The following DLEC1 variants were observed in gnomAD, a reference collection of about 807,000 sequenced individuals.
DLEC1 encodes the protein DLEC1 cilia and flagella associated protein.
DLEC1 carries 146 observed loss-of-function variants against 198.1 expected under a neutral mutation model. That is an observed-to-expected ratio of 0.74 (90% CI 0.64 to 0.85). The LOEUF is 0.85. Ranked by LOEUF, DLEC1 falls within the 40% of genes least tolerant of loss-of-function variation. DLEC1 has a pLI of 0.00. For missense variants in DLEC1, 2,233 were observed against 2,220.0 expected, an observed-to-expected ratio of 1.01 and a Z score of -0.12; for synonymous variants, 897 against 866.8, an observed-to-expected ratio of 1.03 and a Z score of -0.61.
chr3:38,052,699 G>T (rs913602057), intron 2 of DLEC1, among the ~76,000 whole-genome samples: 1 of 152,122 alleles, frequency 6.6e-6, no homozygotes, highest in South Asian at 2.1e-4. Flanking sequence ...CTTGCATTGG[G>T]GTGGCCAAAG....
At chr3:38,108,952 C>T (rs1015501428) in intron 21 of DLEC1, among the ~76,000 whole-genome samples, 2 of 152,214 alleles carry the variant, frequency 1.3e-5, no homozygotes, top group Non-Finnish European at 2.9e-5. Flanking sequence ...GTCATAGGGC[C>T]GTTCCTAGCT....
rs1415766499 is a variant in DLEC1, at chr3:38,112,507, C to G, written c.3666+146C>G. 3.2e-6 allele frequency: 4 copies of G among 1,238,784 alleles called. No homozygotes were observed. In the African/African-American group the frequency reaches 6.0e-5, roughly 19 times the overall value. 76.7% of individuals were successfully genotyped at this position (1,238,784 alleles called of 1,614,324 possible). A position where few individuals can be genotyped will look rare whatever the true frequency, so the allele number is the denominator to read the frequency against. On this transcript the variant is annotated intron_variant, in intron 25 of 36. Transcript: ENST00000308059. The surrounding 1 kb of genome is among the most constrained non-coding windows in gnomAD (Gnocchi z 4.8). ...CGATGCCCACCGAGCTTGGGATGGG[C>G]ATTCGTGTCTGAGGCAGCCTCTGGG...
At chr3:38,103,094 C>T (rs917816346) in intron 19 of DLEC1, 1 of 152,248 alleles carries the variant, frequency 6.6e-6, no homozygotes, top group Non-Finnish European at 1.5e-5. Flanking sequence ...ACCCAAATAG[C>T]ATACATTGTA....
chr3:38,099,522 G>A (rs1559446751), intron 18 of DLEC1, among the ~76,000 whole-genome samples: 1 of 152,130 alleles, frequency 6.6e-6, no homozygotes, highest in East Asian at 1.9e-4. Flanking sequence ...TCTCAGATTA[G>A]GGGACGCAGA....
chr3:38,078,213 C>T lies in DLEC1; in HGVS notation c.1174-5945C>T, dbSNP rs542092960. On this transcript the variant is annotated intron_variant, in intron 6 of 36. Transcript: ENST00000308059. ...TGTGGGACTTAACAAAGAGTGAGTA[C>T]AGCTGAAGGAGCCGGGGAGCAGAAA... Among the ~76,000 whole-genome samples the T allele has an allele frequency of 1.2e-4, 19 of 152,228 alleles. No homozygotes were observed. In the South Asian group the frequency reaches 3.5e-3, roughly 28 times the overall value.
At chr3:38,075,540 A>G (rs1195173090) in intron 6 of DLEC1, among the ~76,000 whole-genome samples, 1 of 151,982 alleles carries the variant, frequency 6.6e-6, no homozygotes, top group Non-Finnish European at 1.5e-5. Context: ...AAGCCCAGAG[A>G]AAAGAGAGAG....
Position 38,121,735 on chromosome 3 carries a change from C to T in DLEC1, c.4974C>T (p.Tyr1658=), listed in dbSNP as rs1407828531. ...GCCAGCAGCGAGTCCGGGAGGTCTA[C>T]CTGATGAACCTGAGCGGGTGCCGAA... ...FVSQQRVREV[Y]LMNLSGCRSY... is the part of the protein sequence containing the mutation. The change falls in exon 35 of 37, where the codon TAC becomes TAT. Residue 1658 remains tyrosine (Y), a synonymous_variant. Coordinates refer to ENST00000308059, the MANE Select transcript of DLEC1 (RefSeq NM_007335.4). The T allele has an allele frequency of 3.1e-6, 5 of 1,614,054 alleles. No homozygotes were observed. Among genetic ancestry groups the T allele is most frequent in the Admixed American group, 3.3e-5 (2 of 60,016 alleles).
intron 6 of DLEC1, among the ~76,000 whole-genome samples, chr3:38,064,788 G>A (rs981027322): frequency 2.0e-5 from 3 of 149,708 alleles, no homozygotes; most frequent in African/African-American, 4.9e-5. Context: ...ATGGGCGGCC[G>A]GGCAGAGACG....
chr3:38,115,125 A>G lies in DLEC1; in HGVS notation c.3856+72A>G, dbSNP rs1184019407. 15 of 1,571,344 alleles carry G rather than the reference A, an allele frequency of 9.5e-6. No individual in the cohort carries two copies. The East Asian group carries it at 3.2e-4, about 33-fold the overall frequency. The stretch of plus-strand genomic sequence containing the variant: ...CTTGTGGTGAGCCAGGCTGGGAGGG[A>G]AGGTGGGAGGGAAGCCGATGGCCCA... On this transcript the variant is annotated intron_variant, in intron 27 of 36. Transcript: ENST00000308059.
Position 38,108,531 on chromosome 3 carries a change from T to G in DLEC1, c.3129+16T>G. ...TCATACCCAGGTGAGTAAGGCAATG[T>G]AGGGCCTGAGTGACCGGGAAGGCAC... On this transcript the variant is annotated intron_variant, in intron 21 of 36. Coordinates refer to ENST00000308059, the MANE Select transcript of DLEC1 (RefSeq NM_007335.4). The G allele has an allele frequency of 6.2e-7, 1 of 1,608,092 alleles. No individual in the cohort carries two copies. The highest frequency in any genetic ancestry group is 8.5e-7 in the Non-Finnish European group (1 of 1,175,326).
intron 33 of DLEC1, among the ~76,000 whole-genome samples, chr3:38,118,401 G>A (rs1700296578): frequency 1.3e-5 from 2 of 152,174 alleles, no homozygotes; most frequent in Admixed American, 1.3e-4. Flanking sequence ...TGCAAGCTCA[G>A]GGTTTGTGTC....
At chr3:38,080,232 C>T (rs551479029) in intron 6 of DLEC1, among the ~76,000 whole-genome samples, 6 of 152,102 alleles carry the variant, frequency 3.9e-5, no homozygotes, top group East Asian at 3.9e-4. Context: ...AACTGTAAGC[C>T]GGACCAGGTG....
At chr3:38,092,971 C>G in intron 11 of DLEC1, 91 bp downstream of exon 11, 1 of 1,227,466 alleles carries the variant, frequency 8.1e-7, no homozygotes, top group Non-Finnish European at 1.2e-6. Context: ...GGCAGCCCAC[C>G]TGTTTCCTGT....
intron 1 of DLEC1, among the ~76,000 whole-genome samples, chr3:38,041,614 C>T (rs1033354989): frequency 1.3e-4 from 20 of 150,894 alleles, no homozygotes; most frequent in African/African-American, 3.9e-4. Flanking sequence ...TTTGGGAGGC[C>T]GAGGCGGGCA....
chr3:38,110,320 C>G (rs781296665), intron 23 of DLEC1, 39 bp downstream of exon 23: 76 of 1,610,198 alleles, frequency 4.7e-5, no homozygotes, highest in Middle Eastern at 1.6e-4. Context: ...GCAGATGAAG[C>G]TGGATGGGGT....
At chr3:38,095,577 G>A in intron 13 of DLEC1, 1 of 367,640 alleles carries the variant, frequency 2.7e-6, no homozygotes, top group East Asian at 5.3e-5. Flanking sequence ...GCATCCAGCT[G>A]CCTCGTTGTC....
At chr3:38,116,164 G>A (rs1334378098) in intron 27 of DLEC1, among the ~76,000 whole-genome samples, 2 of 152,182 alleles carry the variant, frequency 1.3e-5, no homozygotes, top group South Asian at 2.1e-4. Flanking sequence ...AGGAGAAGCA[G>A]CTGTGGGAGA....
At chr3:38,063,739 TG>T in intron 5 of DLEC1, 101 bp from the exon 6 acceptor site, 1 of 827,942 alleles carries the variant, frequency 1.2e-6, no homozygotes, top group Non-Finnish European at 2.0e-6. Context: ...ATATCTTTGA[TG>T]GTCTTTATGT....
chr3:38,102,004 C>T (rs1699331410), intron 19 of DLEC1, among the ~76,000 whole-genome samples: 1 of 152,178 alleles, frequency 6.6e-6, no homozygotes, highest in South Asian at 2.1e-4. Flanking sequence ...AAAGAGGAAG[C>T]ATTGGCTCAC....
Sources: allele counts gnomAD v4.1 joint callset (sites outside exome capture counted in the v4.1 genomes callset), GRCh38; gene constraint gnomAD v4.1.1; non-coding constraint Gnocchi (gnomAD v3.1); transcripts MANE v1.5; gene names NCBI Gene and HGNC (gene_info 2026-07-23, HGNC 2026-07-21).